TOX: variants seen among roughly 807,000 people sequenced by gnomAD.
The protein encoded by TOX is thymocyte selection associated high mobility group box.
Under a neutral mutation model 53.7 loss-of-function variants are expected in TOX, and 11 were observed. The observed-to-expected ratio is 0.20, with a 90% CI of 0.13 to 0.34. The LOEUF (loss-of-function observed/expected upper bound fraction) is 0.34, where lower values mean the gene tolerates loss of function less well. Among genes scored for constraint, TOX ranks in the 10% least tolerant of loss-of-function variants. The pLI is 1.00. For missense variants in TOX, 570 were observed against 664.6 expected, an observed-to-expected ratio of 0.86 and a Z score of 1.56; for synonymous variants, 225 against 245.3, an observed-to-expected ratio of 0.92 and a Z score of 0.77.
chr8:58,895,213 T>TA (rs1052454290), intron 3 of TOX, among the ~76,000 whole-genome samples: 8 of 152,142 alleles, frequency 5.3e-5, no homozygotes, highest in Non-Finnish European at 1.2e-4. Flanking sequence ...GATAGATAGA[T>TA]AGAGTTTTGA....
intron 1 of TOX, among the ~76,000 whole-genome samples, chr8:59,059,099 G>A (rs981261739): frequency 1.1e-4 from 17 of 152,176 alleles, no homozygotes; most frequent in African/African-American, 3.9e-4. Flanking sequence ...TTTTCTATTT[G>A]TTTGTAAATG....
intron 1 of TOX, among the ~76,000 whole-genome samples, chr8:59,109,222 T>C (rs1426221673): frequency 6.6e-6 from 1 of 152,150 alleles, no homozygotes; most frequent in East Asian, 1.9e-4. Context: ...GGTACACACC[T>C]ACTTAATTAT....
intron 3 of TOX, among the ~76,000 whole-genome samples, chr8:58,867,498 C>T (rs543359774): frequency 2.6e-5 from 4 of 152,300 alleles, no homozygotes; most frequent in Non-Finnish European, 4.4e-5. Flanking sequence ...AAGAGGCTTT[C>T]CCGGACAAGC....
intron 3 of TOX, among the ~76,000 whole-genome samples, chr8:58,914,504 A>G (rs1811966936): frequency 6.6e-6 from 1 of 152,146 alleles, no homozygotes; most frequent in African/African-American, 2.4e-5. Context: ...CTTCCAGAAG[A>G]TATTTGTCAA....
intron 1 of TOX, among the ~76,000 whole-genome samples, chr8:59,032,868 T>C (rs1294639673): frequency 6.6e-6 from 1 of 151,866 alleles, no homozygotes; most frequent in Non-Finnish European, 1.5e-5. Context: ...CTGTCTCTAC[T>C]AAAACTACAA....
rs780921856 is a variant in TOX, at chr8:59,118,983, T to G, written c.5A>C (p.Asp2Ala). The G allele has an allele frequency of 1.3e-6, 2 of 1,599,158 alleles. No individual in the cohort carries two copies. Among genetic ancestry groups the G allele is most frequent in the Non-Finnish European group, 1.7e-6 (2 of 1,170,802 alleles). The change falls in exon 1 of 9, where the codon GAC becomes GCC. Residue 2 changes from aspartate to alanine, a missense_variant. Transcript: ENST00000361421. The surrounding 1 kb of genome is among the most constrained non-coding windows in gnomAD (Gnocchi z 4.1). M[D>A]VRFYPPPAQP... Reference sequence around the variant, plus strand: ...GGCTGGAGGTGGATAAAATCTTACGTCCATTTCACTCTCACATCAAGCAAC... The same window carrying G: ...GGCTGGAGGTGGATAAAATCTTACGGCCATTTCACTCTCACATCAAGCAAC...
chr8:58,994,419 T>TGTGC lies in TOX; in HGVS notation c.103-34412_103-34411insGCAC, dbSNP rs527361544. 9.1e-4 allele frequency among the ~76,000 whole-genome samples: 128 copies of TGTGC among 141,286 alleles called. 1 individual carries two copies. Among genetic ancestry groups the TGTGC allele is most frequent in the African/African-American group, 3.4e-3 (117 of 34,756 alleles). The allele number at this position is 141,286 out of a possible 152,430, so 92.7% of individuals were successfully genotyped here. A position where few individuals can be genotyped will look rare whatever the true frequency, so the allele number is the denominator to read the frequency against. On this transcript the variant is annotated intron_variant, in intron 1 of 8. Transcript: ENST00000361421. ...GTGTGTGTGTGTGTGTGTGTGTGTG[T>TGTGC]GCGCGCGCGCATGTGTGTGTATTTT...
At chr8:59,032,732 G>A (rs1020951519) in intron 1 of TOX, among the ~76,000 whole-genome samples, 17 of 152,174 alleles carry the variant, frequency 1.1e-4, no homozygotes, top group African/African-American at 3.6e-4. Flanking sequence ...GGGCACAGTG[G>A]CTCACGCCTG....
At chr8:58,870,134 C>A (rs1352093069) in intron 3 of TOX, among the ~76,000 whole-genome samples, 1 of 151,936 alleles carries the variant, frequency 6.6e-6, no homozygotes, top group East Asian at 1.9e-4. Flanking sequence ...AGAAATAAGA[C>A]CGACTCTATT....
chr8:58,974,804 T>C (rs1052054364), intron 1 of TOX, among the ~76,000 whole-genome samples: 3 of 152,188 alleles, frequency 2.0e-5, no homozygotes, highest in Admixed American at 2.0e-4. Flanking sequence ...TGCGAAAAAC[T>C]AATTATTTGT....
intron 1 of TOX, among the ~76,000 whole-genome samples, chr8:59,066,499 T>C (rs1411557227): frequency 3.9e-5 from 6 of 152,174 alleles, no homozygotes; most frequent in Non-Finnish European, 8.8e-5. Context: ...TCAAATCCCA[T>C]AATATTAAAT....
At position 58,981,630 on chromosome 8, in the gene TOX, C is replaced by G. The variant is rs540890971; in HGVS notation, c.103-21622G>C. Among the ~76,000 whole-genome samples the G allele has an allele frequency of 6.1e-4, 93 of 152,270 alleles. 1 individual carries two copies. In the South Asian group the frequency reaches 0.019, roughly 31 times the overall value. ...TTCCATCACATTTTCCACCTCACCT[C>G]TTCCAAACATTTTTTCTGATCTTCT... On this transcript the variant is annotated intron_variant, in intron 1 of 8. Transcript: ENST00000361421.
chr8:58,946,967 G>T (rs1329409447), intron 2 of TOX, among the ~76,000 whole-genome samples: 2 of 151,958 alleles, frequency 1.3e-5, no homozygotes, highest in African/African-American at 2.4e-5. Context: ...TTGCATTTAT[G>T]GGTATTTGTT....
intron 1 of TOX, chr8:58,992,044 G>A (rs1424748042): frequency 6.6e-6 from 1 of 152,252 alleles, no homozygotes; most frequent in Non-Finnish European, 1.5e-5. Context: ...AAGATAAAAT[G>A]AAAAGTCCCT....
At chr8:59,075,612 C>G (rs1804278895) in intron 1 of TOX, among the ~76,000 whole-genome samples, 1 of 152,140 alleles carries the variant, frequency 6.6e-6, no homozygotes, top group East Asian at 1.9e-4. Context: ...AGGGGCCCCA[C>G]TTGAGAACCT....
At chr8:58,946,180 T>C (rs1471533126) in intron 2 of TOX, among the ~76,000 whole-genome samples, 1 of 152,180 alleles carries the variant, frequency 6.6e-6, no homozygotes, top group Non-Finnish European at 1.5e-5. Context: ...AGAATGCCAA[T>C]GTTTAAACAT....
intron 1 of TOX, among the ~76,000 whole-genome samples, chr8:59,095,894 T>C (rs750097116): frequency 1.2e-4 from 18 of 152,178 alleles, no homozygotes; most frequent in Non-Finnish European, 2.4e-4. Context: ...AGAGAGGTAT[T>C]TGAATCAGTC....
At chr8:58,830,962 G>A (rs572816904) in intron 5 of TOX, among the ~76,000 whole-genome samples, 106 of 152,158 alleles carry the variant, frequency 7.0e-4, no homozygotes, top group Non-Finnish European at 1.3e-3. Context: ...GTCAGTTAGA[G>A]CAAGTGCATC....
chr8:59,104,609 AG>A (rs1804864124), intron 1 of TOX, among the ~76,000 whole-genome samples: 1 of 152,228 alleles, frequency 6.6e-6, no homozygotes, highest in African/African-American at 2.4e-5. Context: ...CTTAATATGT[AG>A]GTCAAGAAGT....
Sources: allele counts gnomAD v4.1 joint callset (sites outside exome capture counted in the v4.1 genomes callset), GRCh38; gene constraint gnomAD v4.1.1; non-coding constraint Gnocchi (gnomAD v3.1); transcripts MANE v1.5; gene names NCBI Gene and HGNC (gene_info 2026-07-23, HGNC 2026-07-21).